NNMT: variants seen among roughly 807,000 people sequenced by gnomAD.
NNMT encodes the protein nicotinamide N-methyltransferase.
NNMT carries 10 observed loss-of-function variants against 11.7 expected under a neutral mutation model. The observed-to-expected ratio is 0.85, with a 90% CI of 0.53 to 1.45. NNMT has a LOEUF of 1.45. Among genes scored for constraint, NNMT ranks in the 40% most tolerant of loss-of-function variants. The pLI, the probability that NNMT is intolerant of heterozygous loss-of-function variation, is 0.00. For missense variants in NNMT, 381 were observed against 319.4 expected, an observed-to-expected ratio of 1.19 and a Z score of -1.47; for synonymous variants, 143 against 133.8, an observed-to-expected ratio of 1.07 and a Z score of -0.48.
intron 2 of NNMT, among the ~76,000 whole-genome samples, chr11:114,301,465 G>A (rs753652484): frequency 2.6e-5 from 4 of 152,158 alleles, no homozygotes; most frequent in Admixed American, 6.5e-5. Context: ...ATCAAGCCAC[G>A]AAAAGACATG....
chr11:114,286,083 G>A (rs574752661), intron 2 of NNMT, among the ~76,000 whole-genome samples: 1 of 152,268 alleles, frequency 6.6e-6, no homozygotes, highest in African/African-American at 2.4e-5. Flanking sequence ...TGCAGAGATC[G>A]TTGTTTATCC....
chr11:114,274,845 C>A (rs1187629896), intron 2 of NNMT, among the ~76,000 whole-genome samples: 1 of 152,190 alleles, frequency 6.6e-6, no homozygotes, highest in Non-Finnish European at 1.5e-5. Flanking sequence ...CCAATTGCAA[C>A]CTCCAGACTT....
rs1565726659 is a variant in NNMT at position 114,298,163 on chromosome 11, A to G, written c.362+5A>G. 1 of 1,613,640 alleles carries G rather than the reference A, an allele frequency of 6.2e-7. No homozygotes were observed. The highest frequency in any genetic ancestry group is 8.5e-7 in the Non-Finnish European group (1 of 1,179,622). ...GTGTGATCTTGAAGGGAACAGGTAGAGAAACTGGTGTCTACTTCTTGGCTT... is the reference window on the plus strand; with the variant it reads ...GTGTGATCTTGAAGGGAACAGGTAGGGAAACTGGTGTCTACTTCTTGGCTT... On this transcript the variant is annotated splice_donor_5th_base_variant and intron_variant, in intron 2 of 2. Coordinates refer to ENST00000299964, the MANE Select transcript of NNMT (RefSeq NM_006169.3).
At chr11:114,279,636 G>A (rs561283420) in intron 2 of NNMT, among the ~76,000 whole-genome samples, 1 of 152,300 alleles carries the variant, frequency 6.6e-6, no homozygotes, top group East Asian at 1.9e-4. Context: ...TGGCTCAAGG[G>A]TGGGCTCCCT....
intron 2 of NNMT, among the ~76,000 whole-genome samples, chr11:114,289,677 T>C (rs988495926): frequency 6.6e-6 from 1 of 152,234 alleles, no homozygotes; most frequent in African/African-American, 2.4e-5. Flanking sequence ...ATTTTTTACT[T>C]TTAGCTTAAA....
chr11:114,258,679 G>T (rs760677169), intron 1 of NNMT, among the ~76,000 whole-genome samples: 24 of 152,196 alleles, frequency 1.6e-4, no homozygotes, highest in Non-Finnish European at 2.8e-4. Context: ...AGAGTCCCTG[G>T]TGACTCCTCA....
chr11:114,297,951 A>G lies in NNMT; in HGVS notation c.155A>G (p.Asp52Gly). Reference protein sequence around the residue: ...LKNLFKIFCLDGVKGDLLIDI... With the variant: ...LKNLFKIFCLGGVKGDLLIDI... ...CTCTTTGTTCCTCCCACTAATCCAG[A>G]CGGTGTGAAGGGAGACCTGCTGATT... is the stretch of plus-strand genomic sequence containing the variant. Residue 52 changes from aspartate to glycine, a missense_variant and splice_region_variant, in exon 2 of 3, where the codon GAC (aspartate) becomes GGC (glycine). Transcript: ENST00000299964. 1 of 1,612,356 alleles carries G rather than the reference A, an allele frequency of 6.2e-7. No homozygotes were observed. The highest frequency in any genetic ancestry group is 8.5e-7 in the Non-Finnish European group (1 of 1,179,872).
At chr11:114,303,588 A>G (rs1280122173) in intron 2 of NNMT, among the ~76,000 whole-genome samples, 2 of 152,246 alleles carry the variant, frequency 1.3e-5, no homozygotes, top group African/African-American at 4.8e-5. Context: ...AGAGGAACAT[A>G]CAGTGACGTG....
intron 2 of NNMT, among the ~76,000 whole-genome samples, chr11:114,305,054 T>C (rs1945476489): frequency 6.6e-6 from 1 of 152,228 alleles, no homozygotes; most frequent in African/African-American, 2.4e-5. Context: ...CCTGGACTAG[T>C]AGTTTGACAA....
intron 2 of NNMT, among the ~76,000 whole-genome samples, chr11:114,265,462 G>A (rs1030142346): frequency 1.1e-4 from 17 of 152,128 alleles, no homozygotes; most frequent in South Asian, 2.1e-4. Flanking sequence ...GTTCCTTGAT[G>A]CTTTTACTTT....
intron 2 of NNMT, among the ~76,000 whole-genome samples, chr11:114,265,533 C>T (rs1247592329): frequency 2.0e-5 from 3 of 152,118 alleles, no homozygotes; most frequent in Non-Finnish European, 4.4e-5. Flanking sequence ...TTAGAGTGTA[C>T]CTCTGGGAGA....
At chr11:114,295,795 G>C (rs1481406370), upstream of NNMT, 4 of 152,244 alleles carry the variant, frequency 2.6e-5, no homozygotes, top group African/African-American at 9.6e-5. Context: ...TTGACTGAAA[G>C]GAGTGGGGAA....
rs1945384034 is a variant in NNMT, at chr11:114,296,750, C to A, written c.154+40C>A. ...TGCATGTCTCCCCACTAATGTGAGTCATATAGATGGAGTCTCAGGGCACGA... is the reference window on the plus strand; with the variant it reads ...TGCATGTCTCCCCACTAATGTGAGTAATATAGATGGAGTCTCAGGGCACGA... On this transcript the variant is annotated intron_variant, in intron 1 of 2. Coordinates refer to ENST00000299964, the MANE Select transcript of NNMT (RefSeq NM_006169.3). 5 of 1,603,306 alleles carry A rather than the reference C, an allele frequency of 3.1e-6. No homozygotes were observed. In the South Asian group the frequency reaches 3.3e-5, roughly 11 times the overall value.
intron 1 of NNMT, among the ~76,000 whole-genome samples, chr11:114,260,166 G>A (rs1250429275): frequency 4.6e-5 from 7 of 152,182 alleles, no homozygotes; most frequent in Non-Finnish European, 7.3e-5. Flanking sequence ...GACGCTGAGC[G>A]CTGGCCTCAT....
chr11:114,292,491 A>T (rs1056031685), upstream of NNMT, among the ~76,000 whole-genome samples: 1 of 152,158 alleles, frequency 6.6e-6, no homozygotes, highest in African/African-American at 2.4e-5. Flanking sequence ...GTATTGTAGC[A>T]TTATTTTCTC....
intron 2 of NNMT, among the ~76,000 whole-genome samples, chr11:114,283,925 A>G (rs1464735767): frequency 2.6e-5 from 4 of 152,210 alleles, no homozygotes; most frequent in African/African-American, 7.2e-5. Context: ...CATAATCTTG[A>G]TATTTGTATA....
At chr11:114,300,087 T>C (rs1210940278) in intron 2 of NNMT, among the ~76,000 whole-genome samples, 2 of 152,024 alleles carry the variant, frequency 1.3e-5, no homozygotes, top group African/African-American at 2.4e-5. Context: ...GTTTACTTTA[T>C]TTTTTTCTAG....
At chr11:114,301,479 G>A (rs1945438829) in intron 2 of NNMT, among the ~76,000 whole-genome samples, 1 of 152,154 alleles carries the variant, frequency 6.6e-6, no homozygotes, top group Non-Finnish European at 1.5e-5. Flanking sequence ...AGACATGGAG[G>A]AAATGTAAAT....
chr11:114,282,996 T>C (rs865953822), intron 2 of NNMT, among the ~76,000 whole-genome samples: 1 of 152,236 alleles, frequency 6.6e-6, no homozygotes, highest in Non-Finnish European at 1.5e-5. Flanking sequence ...AAAATTAGTA[T>C]AGCAGATCAT....
Sources: gnomAD v4.1 joint callset for allele counts (sites outside exome capture counted in the v4.1 genomes callset) on GRCh38, gnomAD v4.1.1 for gene constraint, MANE v1.5 for transcripts, NCBI Gene and HGNC (gene_info 2026-07-23, HGNC 2026-07-21) for gene names.